Variants in PTPN9 observed in about 807,000 individuals in gnomAD.
PTPN9 encodes the protein tyrosine-protein phosphatase non-receptor type 9.
A neutral mutation model predicts 69.8 loss-of-function variants in PTPN9; 26 were observed. That is an observed-to-expected ratio of 0.37 (90% CI 0.27 to 0.52). The LOEUF (loss-of-function observed/expected upper bound fraction) is 0.52, where lower values mean the gene tolerates loss of function less well. PTPN9 is among the 20% of genes least tolerant of loss of function. The probability of loss-of-function intolerance (pLI) is 0.91; values close to 1 mark genes in which losing one functional copy is unlikely to be tolerated. For missense variants in PTPN9, 549 were observed against 740.3 expected (o/e 0.74, Z 3.00); for synonymous variants, 274 against 272.5 (o/e 1.01, Z -0.05).
At chr15:75,515,404 G>T (rs534828827) in intron 5 of PTPN9, among the ~76,000 whole-genome samples, 2 of 143,910 alleles carry the variant, frequency 1.4e-5, no homozygotes, top group East Asian at 4.1e-4. Context: ...TCTAGCCTGG[G>T]CGACAGTGCG....
intron 1 of PTPN9, among the ~76,000 whole-genome samples, chr15:75,578,185 A>G (rs901337104): frequency 6.6e-6 from 1 of 152,168 alleles, no homozygotes; most frequent in African/African-American, 2.4e-5. Flanking sequence ...ATCTTCCATA[A>G]CCTGCCCAAG....
intron 1 of PTPN9, among the ~76,000 whole-genome samples, chr15:75,542,937 G>A (rs1417830674): frequency 6.7e-6 from 1 of 148,154 alleles, no homozygotes; most frequent in African/African-American, 2.5e-5. Flanking sequence ...CCATGTTGAT[G>A]TGCTGCACCC....
intron 4 of PTPN9, 86 bp downstream of exon 4, chr15:75,523,035 G>A (rs982124053): frequency 1.3e-5 from 19 of 1,485,456 alleles, no homozygotes; most frequent in African/African-American, 1.1e-4. Context: ...GGAGAATGGC[G>A]AAGGCACTGC....
rs2074537358 is a variant in PTPN9, at chr15:75,466,577, CCT to C, written c.*2190_*2191del. ...CTAGCTAGGACAGTCAGTCACCAACCCTGTCACCCTTCGCGTCTACTACATGA... is the reference window on the plus strand; with the variant it reads ...CTAGCTAGGACAGTCAGTCACCAACCGTCACCCTTCGCGTCTACTACATGA... On this transcript the variant is annotated 3_prime_UTR_variant, in exon 13 of 13. Coordinates refer to ENST00000618819, the MANE Select transcript of PTPN9 (RefSeq NM_002833.4). 6.6e-6 allele frequency: 1 copy of C among 152,192 alleles called. No individual in the cohort carries two copies. Among genetic ancestry groups the C allele is most frequent in the Admixed American group, 6.5e-5 (1 of 15,276 alleles). The allele number at this position is 152,192 out of a possible 1,614,324, so 9.4% of individuals were successfully genotyped here. A position where few individuals can be genotyped will look rare whatever the true frequency, so the allele number is the denominator to read the frequency against.
At chr15:75,562,791 C>CAAAAAAAAAAAAAAAAAAAAAAAA (rs60164759) in intron 1 of PTPN9, among the ~76,000 whole-genome samples, 1 of 80,050 alleles carries the variant, frequency 1.2e-5, no homozygotes, top group Non-Finnish European at 2.3e-5. Context: ...AGACTCGTTT[C>CAAAAAAAAAAAAAAAAAAAAAAAA]AAAAAAAAAA....
intron 3 of PTPN9, among the ~76,000 whole-genome samples, chr15:75,523,670 T>C (rs548176410): frequency 5.8e-4 from 89 of 152,292 alleles, no homozygotes; most frequent in African/African-American, 2.1e-3. Flanking sequence ...AGTGGAGAGC[T>C]TGCGTTAAAT....
rs374894545 is a variant in PTPN9 at position 75,504,847 on chromosome 15, T to TG, written c.968+827dup. ...CCAGCCGCCCCGTCCGGGAGGGAGG[T>TG]GGGGGGGTCTGGCCAGCCACCCCGT... On this transcript the variant is annotated intron_variant, in intron 7 of 12. Transcript: ENST00000618819. Among the ~76,000 whole-genome samples, 18 of 129,918 alleles carry TG rather than the reference T, an allele frequency of 1.4e-4. 1 individual carries two copies. The highest frequency in any genetic ancestry group is 3.8e-4 in the African/African-American group (13 of 34,218). 85.2% of individuals were successfully genotyped at this position (129,918 alleles called of 152,430 possible).
intron 1 of PTPN9, among the ~76,000 whole-genome samples, chr15:75,576,188 C>G (rs1019334935): frequency 6.6e-6 from 1 of 151,196 alleles, no homozygotes; most frequent in African/African-American, 2.4e-5. Flanking sequence ...GCCGAGATCA[C>G]AACGCTACAC....
At chr15:75,472,754 G>T (rs1192091462) in intron 10 of PTPN9, among the ~76,000 whole-genome samples, 5 of 146,742 alleles carry the variant, frequency 3.4e-5, no homozygotes, top group African/African-American at 5.1e-5. Context: ...ACTCCCACCT[G>T]GGTGACAGAG....
intron 9 of PTPN9, among the ~76,000 whole-genome samples, chr15:75,478,093 C>G (rs1034903482): frequency 1.3e-5 from 2 of 151,962 alleles, no homozygotes; most frequent in African/African-American, 2.4e-5. Context: ...CCTGCCTCGG[C>G]CTCCCAAAGT....
At chr15:75,530,507 A>G (rs1365652686) in intron 1 of PTPN9, among the ~76,000 whole-genome samples, 14 of 86,796 alleles carry the variant, frequency 1.6e-4, no homozygotes, top group East Asian at 5.8e-4. Flanking sequence ...TTATATTATA[A>G]TATATTATAA....
rs75296706 is a variant in PTPN9 at position 75,521,289 on chromosome 15, CA to C, written c.422+1831del. On this transcript the variant is annotated intron_variant, in intron 4 of 12. Transcript: ENST00000618819. ...TGAAACCCCATCTCTACTAAAAATA[CA>C]AAAAAAAAAAAAAAAAACGGGCGTG... Among the ~76,000 whole-genome samples the C allele has an allele frequency of 6.6e-4, 60 of 91,348 alleles. No individual in the cohort carries two copies. The South Asian group carries it at 6.7e-3, about 10-fold the overall frequency. 59.9% of individuals were successfully genotyped at this position (91,348 alleles called of 152,430 possible). A position where few individuals can be genotyped will look rare whatever the true frequency, so the allele number is the denominator to read the frequency against.
At chr15:75,511,219 G>A (rs947224480) in intron 5 of PTPN9, among the ~76,000 whole-genome samples, 3 of 152,006 alleles carry the variant, frequency 2.0e-5, no homozygotes, top group South Asian at 4.2e-4. Flanking sequence ...CCACATTTGA[G>A]GAGCTATTTT....
At position 75,505,821 on chromosome 15, in the gene PTPN9, G is replaced by A; in HGVS notation, c.822C>T (p.Asp274=). ...GACCTGGAACATGTACTGAGTCCCA[G>A]TCTAAGGCAGGAGGGAGGGAGAACA... ...IILFSLPPAL[D]WDSVHVPGPH... Residue 274 remains aspartate, a synonymous_variant, in exon 7 of 13, where the codon GAC becomes GAT. Transcript: ENST00000618819. 6.2e-7 allele frequency: 1 copy of A among 1,614,190 alleles called. No homozygotes were observed. Among genetic ancestry groups the A allele is most frequent in the Non-Finnish European group, 8.5e-7 (1 of 1,180,014 alleles).
At chr15:75,488,434 GATA>G (rs1409833465) in intron 8 of PTPN9, among the ~76,000 whole-genome samples, 1 of 151,774 alleles carries the variant, frequency 6.6e-6, no homozygotes, top group African/African-American at 2.4e-5. Flanking sequence ...AAAAAAGGAA[GATA>G]ATAATAATTT....
chr15:75,557,352 G>A (rs1275309898), intron 1 of PTPN9, among the ~76,000 whole-genome samples: 1 of 151,886 alleles, frequency 6.6e-6, no homozygotes, highest in African/African-American at 2.4e-5. Flanking sequence ...TTGAACCTGG[G>A]AGGCGGAGGT....
intron 10 of PTPN9, 39 bp downstream of exon 10, chr15:75,473,650 G>A (rs2074580615): frequency 1.4e-6 from 2 of 1,459,124 alleles, no homozygotes; most frequent in Non-Finnish European, 1.9e-6. Context: ...TAGGGACAGA[G>A]TGGAGGTGGA....
chr15:75,548,014 T>C (rs1201335749), intron 1 of PTPN9, among the ~76,000 whole-genome samples: 2 of 152,068 alleles, frequency 1.3e-5, no homozygotes, highest in African/African-American at 4.8e-5. Context: ...AAGATTTAGA[T>C]AGATTATCAA....
intron 1 of PTPN9, among the ~76,000 whole-genome samples, chr15:75,530,450 T>A (rs1194396943): frequency 2.9e-5 from 3 of 102,142 alleles, no homozygotes; most frequent in Non-Finnish European, 5.4e-5. Flanking sequence ...ATATTATTAT[T>A]ATAATAAAAT....
Sources: allele counts gnomAD v4.1 joint callset (sites outside exome capture counted in the v4.1 genomes callset), GRCh38; gene constraint gnomAD v4.1.1; transcripts MANE v1.5; gene names NCBI Gene and HGNC (gene_info 2026-07-23, HGNC 2026-07-21).